The following RALGPS1 variants were observed in gnomAD, a reference collection of about 807,000 sequenced individuals.
The protein encoded by RALGPS1 is Ral GEF with PH domain and SH3 binding motif 1.
A neutral mutation model predicts 78.8 loss-of-function variants in RALGPS1; 19 were observed. That is an observed-to-expected ratio of 0.24 (90% confidence interval 0.17 to 0.35). The LOEUF (loss-of-function observed/expected upper bound fraction) is 0.35. RALGPS1 is among the 10% of genes least tolerant of loss of function. The pLI, the probability that RALGPS1 is intolerant of heterozygous loss-of-function variation, is 1.00. For synonymous variants in RALGPS1, 228 were observed against 256.3 expected, an observed-to-expected ratio of 0.89 and a Z score of 1.06; for missense variants, 454 against 688.3, an observed-to-expected ratio of 0.66 and a Z score of 3.81.
Position 127,212,566 on chromosome 9 carries a change from C to T in RALGPS1, c.1354-61C>T. 1 of 1,253,948 alleles carries T rather than the reference C, an allele frequency of 8.0e-7. No individual in the cohort carries two copies. Among genetic ancestry groups the T allele is most frequent in the Non-Finnish European group, 1.1e-6 (1 of 881,592 alleles). The allele number at this position is 1,253,948 out of a possible 1,614,324, so 77.7% of individuals were successfully genotyped here. ...ATGGGATGGCTGGGTCTGTAATCGG[C>T]CAGGGATCCTCTACCCCCACGACCC... On this transcript the variant is annotated intron_variant, in intron 15 of 18. Coordinates refer to ENST00000259351, the MANE Select transcript of RALGPS1 (RefSeq NM_014636.3). This position sits in a 1 kb window ranked among gnomAD's most constrained non-coding sequence, Gnocchi z 6.0.
chr9:126,971,109 A>G (rs1316934021), intron 3 of RALGPS1, among the ~76,000 whole-genome samples: 3 of 152,204 alleles, frequency 2.0e-5, no homozygotes, highest in Non-Finnish European at 4.4e-5. Context: ...TTTTCACATG[A>G]AAATAAATGA....
At chr9:127,090,002 G>A (rs1489794888) in intron 8 of RALGPS1, among the ~76,000 whole-genome samples, 3 of 152,230 alleles carry the variant, frequency 2.0e-5, no homozygotes, top group Non-Finnish European at 1.5e-5. Flanking sequence ...CGAGGCCGTG[G>A]GATGAGGTGA....
At chr9:126,916,802 C>T (rs1411782688) in intron 1 of RALGPS1, among the ~76,000 whole-genome samples, 2 of 151,946 alleles carry the variant, frequency 1.3e-5, no homozygotes, top group Non-Finnish European at 2.9e-5. Context: ...CAAAAATCCC[C>T]AAAAGAAGAC....
intron 8 of RALGPS1, among the ~76,000 whole-genome samples, chr9:127,093,035 C>T (rs1277242853): frequency 2.0e-5 from 3 of 152,134 alleles, no homozygotes; most frequent in African/African-American, 7.2e-5. Flanking sequence ...ATAACAGAAC[C>T]TCCCTCAGGA....
At chr9:127,024,636 T>A (rs1478487594) in intron 4 of RALGPS1, among the ~76,000 whole-genome samples, 3 of 152,112 alleles carry the variant, frequency 2.0e-5, no homozygotes, top group Non-Finnish European at 4.4e-5. Flanking sequence ...TGTGTTTCAT[T>A]CCCTAGTAAC....
chr9:127,006,371 G>C (rs2043842721), intron 4 of RALGPS1, among the ~76,000 whole-genome samples: 1 of 152,180 alleles, frequency 6.6e-6, no homozygotes, highest in African/African-American at 2.4e-5. Context: ...GGCGTTCTTT[G>C]ACATCTGACA....
chr9:126,927,317 G>GGTGGAA, intron 1 of RALGPS1, among the ~76,000 whole-genome samples: 1 of 152,106 alleles, frequency 6.6e-6, no homozygotes, highest in Non-Finnish European at 1.5e-5. Flanking sequence ...CAGCATGAGA[G>GGTGGAA]GTGGAAGTGG....
rs2133813290 is a variant in RALGPS1 at position 127,007,732 on chromosome 9, G to A, written c.217-26699G>A. On this transcript the variant is annotated intron_variant, in intron 4 of 18. Coordinates refer to ENST00000259351, the MANE Select transcript of RALGPS1 (RefSeq NM_014636.3). ...GCATGGCTGGGTCACGCCACAATGA[G>A]GCCAGTCACAGATGAGCTAGAGAGC... Among the ~76,000 whole-genome samples, 2 of 152,326 alleles carry A rather than the reference G, an allele frequency of 1.3e-5. 1 individual carries two copies. The highest frequency in any genetic ancestry group is 4.1e-4 in the South Asian group (2 of 4,830).
At chr9:126,966,010 C>T in intron 3 of RALGPS1, 59 bp downstream of exon 3, 1 of 1,277,060 alleles carries the variant, frequency 7.8e-7, no homozygotes, top group Non-Finnish European at 1.1e-6. Flanking sequence ...CTAGAGGGAG[C>T]CACCACTTAG....
At chr9:126,952,656 A>AGAGTGTGTGTGTGTGTGTGT (rs1554763340) in intron 1 of RALGPS1, among the ~76,000 whole-genome samples, 13 of 138,828 alleles carry the variant, frequency 9.4e-5, no homozygotes, top group Admixed American at 5.8e-4. Context: ...AGAGAGAGAG[A>AGAGTGTGTGTGTGTGTGTGT]GTGTGTGTGT....
At position 127,017,789 on chromosome 9, in the gene RALGPS1, C is replaced by T. The variant is rs551189309; in HGVS notation, c.217-16642C>T. 3.1e-4 allele frequency among the ~76,000 whole-genome samples: 47 copies of T among 152,038 alleles called. 1 individual carries two copies. The highest frequency in any genetic ancestry group is 4.9e-4 in the Non-Finnish European group (33 of 67,986). ...CAACTTTTTTCATTAAGAACTAAGACGCAGACACACACATTAGCCTAGGTC... is the reference window on the plus strand; with the variant it reads ...CAACTTTTTTCATTAAGAACTAAGATGCAGACACACACATTAGCCTAGGTC... On this transcript the variant is annotated intron_variant, in intron 4 of 18. Transcript: ENST00000259351.
chr9:126,972,176 G>T (rs1037180693), intron 3 of RALGPS1, among the ~76,000 whole-genome samples: 2 of 152,194 alleles, frequency 1.3e-5, no homozygotes, highest in Non-Finnish European at 2.9e-5. Context: ...GGACTCAAGA[G>T]CTAGGTAGAA....
chr9:127,106,025 T>C (rs1312744665), intron 8 of RALGPS1, among the ~76,000 whole-genome samples: 1 of 152,192 alleles, frequency 6.6e-6, no homozygotes, highest in Non-Finnish European at 1.5e-5. Flanking sequence ...TAAATAACTA[T>C]CTCATGAGCG....
chr9:127,039,311 G>A (rs74682503), intron 5 of RALGPS1, among the ~76,000 whole-genome samples: 2,296 of 152,256 alleles, frequency 0.015, 70 homozygotes, highest in African/African-American at 0.052. Context: ...CAGAAATGAG[G>A]GAATGCTACA....
chr9:127,186,527 G>A (rs749503639), intron 11 of RALGPS1, among the ~76,000 whole-genome samples: 2 of 152,244 alleles, frequency 1.3e-5, no homozygotes, highest in Non-Finnish European at 2.9e-5. Flanking sequence ...GTGCTGTCAC[G>A]TGGTGGCCAC....
chr9:127,138,455 G>T (rs1329385486), intron 8 of RALGPS1, among the ~76,000 whole-genome samples: 1 of 152,188 alleles, frequency 6.6e-6, no homozygotes, highest in African/African-American at 2.4e-5. Flanking sequence ...ATGACAGAGG[G>T]CAAATGGGCT....
intron 1 of RALGPS1, among the ~76,000 whole-genome samples, chr9:126,956,866 C>G (rs1588637798): frequency 6.6e-6 from 1 of 152,218 alleles, no homozygotes; most frequent in African/African-American, 2.4e-5. Context: ...TGCCCTATGT[C>G]CAGCCCTGAT....
At chr9:127,035,514 C>A (rs1429125246) in intron 5 of RALGPS1, among the ~76,000 whole-genome samples, 1 of 152,196 alleles carries the variant, frequency 6.6e-6, no homozygotes, top group Non-Finnish European at 1.5e-5. Context: ...AGGCCAGTAG[C>A]CTAGAGGTTG....
At chr9:126,958,142 A>AAAAAAAAAAAAAAATAT (rs113413659) in intron 1 of RALGPS1, among the ~76,000 whole-genome samples, 5 of 77,098 alleles carry the variant, frequency 6.5e-5, no homozygotes, top group Non-Finnish European at 8.3e-5. Context: ...AAAAAAAAAA[A>AAAAAAAAAAAAAAATAT]ATATATATAT....
Sources: gnomAD v4.1 joint callset for allele counts (sites outside exome capture counted in the v4.1 genomes callset) on GRCh38, gnomAD v4.1.1 for gene constraint, Gnocchi (gnomAD v3.1) non-coding constraint, MANE v1.5 for transcripts, NCBI Gene and HGNC (gene_info 2026-07-23, HGNC 2026-07-21) for gene names.